CSGALNACT1: variants seen among roughly 807,000 people sequenced by gnomAD.
CSGALNACT1 encodes the protein chondroitin sulfate N-acetylgalactosaminyltransferase 1.
In CSGALNACT1, 52 loss-of-function variants were observed where a neutral mutation model predicts 51.0. The ratio of observed to expected loss-of-function variants is 1.02; its 90% CI spans 0.82 to 1.29. CSGALNACT1 has a LOEUF of 1.29. CSGALNACT1 is among the 50% of genes most tolerant of loss of function. CSGALNACT1 has a pLI of 0.00. For missense variants in CSGALNACT1, 935 were observed against 679.2 expected (o/e 1.38, Z -4.19); for synonymous variants, 341 against 254.4 (o/e 1.34, Z -3.24).
chr8:19,682,990 A>G, upstream of CSGALNACT1: 1 of 286,586 alleles, frequency 3.5e-6, no homozygotes, highest in Non-Finnish European at 7.0e-6. Flanking sequence ...AGCAGGTAGA[A>G]CGAGTTCACC....
intron 4 of CSGALNACT1, among the ~76,000 whole-genome samples, chr8:19,494,419 C>T (rs1178765042): frequency 2.6e-5 from 4 of 152,188 alleles, no homozygotes; most frequent in African/African-American, 7.2e-5. Flanking sequence ...GACCAATTCT[C>T]TCTGTTCTGT....
In CSGALNACT1 at chr8:19,707,427, C is replaced by T. The variant is rs2062234449; in HGVS notation, c.-297+50423G>A. On this transcript the variant is annotated intron_variant, in intron 1 of 1. Transcript: ENST00000517494. ...AAATAATACAGTATCAGACATGCAG[C>T]CATTTTTATTTAAAGTCATTGATCA... 2.6e-5 allele frequency among the ~76,000 whole-genome samples: 4 copies of T among 152,250 alleles called. No individual in the cohort carries two copies. The South Asian group carries it at 6.2e-4, about 24-fold the overall frequency.
chr8:19,425,138 T>A (rs1342167434), intron 6 of CSGALNACT1, among the ~76,000 whole-genome samples: 3 of 151,924 alleles, frequency 2.0e-5, no homozygotes, highest in African/African-American at 7.3e-5. Flanking sequence ...AGGTCAGGAG[T>A]TCGAGACTGA....
intron 1 of CSGALNACT1, among the ~76,000 whole-genome samples, chr8:19,623,571 A>C (rs1371432672): frequency 6.6e-6 from 1 of 152,236 alleles, no homozygotes; most frequent in East Asian, 1.9e-4. Context: ...TGTTTACAAC[A>C]ATTAACTACA....
At chr8:19,649,618 C>G (rs190244330) in intron 1 of CSGALNACT1, among the ~76,000 whole-genome samples, 1 of 151,536 alleles carries the variant, frequency 6.6e-6, no homozygotes, top group Non-Finnish European at 1.5e-5. Context: ...TTCACAGTTA[C>G]GAATACATGC....
chr8:19,576,509 C>T (rs751091276), intron 3 of CSGALNACT1, among the ~76,000 whole-genome samples: 1 of 151,740 alleles, frequency 6.6e-6, no homozygotes, highest in Non-Finnish European at 1.5e-5. Flanking sequence ...TAATCTTTCA[C>T]ATGAACCTGC....
intron 3 of CSGALNACT1, among the ~76,000 whole-genome samples, chr8:19,552,785 G>A (rs1211650066): frequency 1.3e-5 from 2 of 152,184 alleles, no homozygotes; most frequent in Non-Finnish European, 2.9e-5. Context: ...AAGTCTAACT[G>A]TAGCTAAACA....
chr8:19,425,124 C>T (rs546706889), intron 6 of CSGALNACT1, among the ~76,000 whole-genome samples: 13 of 152,258 alleles, frequency 8.5e-5, no homozygotes, highest in South Asian at 4.2e-4. Context: ...AGGCAGATCA[C>T]TTGAGGTCAG....
intron 5 of CSGALNACT1, among the ~76,000 whole-genome samples, chr8:19,454,204 C>G (rs187979532): frequency 1.3e-5 from 2 of 152,142 alleles, no homozygotes; most frequent in East Asian, 1.9e-4. Context: ...CAAACACTTG[C>G]GACGTTTCTT....
At chr8:19,421,621 A>G (rs2057951964) in intron 6 of CSGALNACT1, among the ~76,000 whole-genome samples, 1 of 152,150 alleles carries the variant, frequency 6.6e-6, no homozygotes, top group African/African-American at 2.4e-5. Flanking sequence ...AGGTACAGAA[A>G]CTCATTTCCA....
chr8:19,410,711 C>T (rs577496442), intron 8 of CSGALNACT1, among the ~76,000 whole-genome samples: 1 of 152,312 alleles, frequency 6.6e-6, no homozygotes, highest in East Asian at 1.9e-4. Context: ...GGCTTATGAG[C>T]TGGGGAGTGA....
intron 3 of CSGALNACT1, among the ~76,000 whole-genome samples, chr8:19,532,636 C>T (rs1262000341): frequency 2.0e-5 from 3 of 152,160 alleles, no homozygotes; most frequent in Non-Finnish European, 4.4e-5. Flanking sequence ...TAATGTGGCC[C>T]TCTCCCTGCC....
chr8:19,411,682 C>T (rs115264942), intron 8 of CSGALNACT1, among the ~76,000 whole-genome samples: 3 of 152,146 alleles, frequency 2.0e-5, no homozygotes, highest in Non-Finnish European at 2.9e-5. Flanking sequence ...AGAAGCTCCA[C>T]CATTCTGTTC....
At chr8:19,721,273 T>A (rs1362411815) in intron 1 of CSGALNACT1, among the ~76,000 whole-genome samples, 1 of 152,138 alleles carries the variant, frequency 6.6e-6, no homozygotes, top group South Asian at 2.1e-4. Flanking sequence ...TCCAGGCCCA[T>A]GCAACAAGCC....
chr8:19,614,274 C>A (rs1457714727), intron 1 of CSGALNACT1, among the ~76,000 whole-genome samples: 1 of 152,138 alleles, frequency 6.6e-6, no homozygotes, highest in Non-Finnish European at 1.5e-5. Context: ...AACTGAGACT[C>A]GAAAGGCTAA....
At chr8:19,488,370 C>CATATATATAT (rs56988602) in intron 4 of CSGALNACT1, among the ~76,000 whole-genome samples, 6 of 114,466 alleles carry the variant, frequency 5.2e-5, no homozygotes, top group Non-Finnish European at 1.1e-4. Flanking sequence ...TTTATATATA[C>CATATATATAT]ATATATATAT....
At chr8:19,667,003 GAAAGAAAGAAAGA>G (rs1564385961) in intron 1 of CSGALNACT1, among the ~76,000 whole-genome samples, 91 of 28,522 alleles carry the variant, frequency 3.2e-3, no homozygotes, top group East Asian at 4.1e-3. Context: ...AAGAAAGAAA[GAAAGAAAGAAAGA>G]AAGGAAGGAA....
intron 4 of CSGALNACT1, among the ~76,000 whole-genome samples, chr8:19,498,749 C>A (rs1319362106): frequency 1.3e-5 from 2 of 152,166 alleles, no homozygotes; most frequent in Non-Finnish European, 2.9e-5. Flanking sequence ...CCCATAACAT[C>A]ACAAATTTTC....
intron 1 of CSGALNACT1, among the ~76,000 whole-genome samples, chr8:19,726,016 A>C (rs980870667): frequency 6.6e-6 from 1 of 152,124 alleles, no homozygotes; most frequent in Non-Finnish European, 1.5e-5. Flanking sequence ...GAGTAGTTTC[A>C]CTTAAAATCC....
Sources: gnomAD v4.1 joint callset for allele counts (sites outside exome capture counted in the v4.1 genomes callset) on GRCh38, gnomAD v4.1.1 for gene constraint, MANE v1.5 for transcripts, NCBI Gene and HGNC (gene_info 2026-07-23, HGNC 2026-07-21) for gene names.